The following ATF7IP variants were observed in gnomAD, a reference collection of about 807,000 sequenced individuals.
ATF7IP encodes activating transcription factor 7 interacting protein.
ATF7IP carries 23 observed loss-of-function variants against 106.4 expected under a neutral mutation model. That is an observed-to-expected ratio of 0.22 (90% CI 0.16 to 0.31). The LOEUF (loss-of-function observed/expected upper bound fraction) is 0.31. Ranked by LOEUF, ATF7IP falls within the 10% of genes least tolerant of loss-of-function variation. The pLI is 1.00. For missense variants in ATF7IP, 1,334 were observed against 1,524.3 expected (o/e 0.88, Z 2.08); for synonymous variants, 542 against 539.0 (o/e 1.01, Z -0.08).
chr12:14,376,824 G>A lies in ATF7IP; in HGVS notation c.-8+10997G>A, dbSNP rs571852388. Among the ~76,000 whole-genome samples the A allele has an allele frequency of 3.3e-5, 5 of 152,204 alleles. No homozygotes were observed. In the South Asian group the frequency reaches 1.0e-3, roughly 32 times the overall value. The stretch of plus-strand genomic sequence containing the variant: ...ATATTTAAGATGCAATCCTTGGGAG[G>A]CTGAGGCAGGAGAATCGTTTGAATC... On this transcript the variant is annotated intron_variant, in intron 1 of 14. Transcript: ENST00000261168.
intron 9 of ATF7IP, among the ~76,000 whole-genome samples, chr12:14,463,210 A>G (rs1016966222): frequency 6.6e-6 from 1 of 152,124 alleles, no homozygotes; most frequent in Non-Finnish European, 1.5e-5. Context: ...TCTAAGCTCT[A>G]TACTTATGTG....
intron 1 of ATF7IP, among the ~76,000 whole-genome samples, chr12:14,387,976 C>T (rs576644212): frequency 5.9e-5 from 9 of 151,696 alleles, no homozygotes; most frequent in African/African-American, 1.2e-4. Context: ...CTGACATTGA[C>T]GAGCTTATTC....
At position 14,408,116 on chromosome 12, in the gene ATF7IP, G is replaced by GCACACACACACA. The variant is rs56229725; in HGVS notation, c.-7-15778_-7-15767dup. On this transcript the variant is annotated intron_variant, in intron 1 of 14. Coordinates refer to ENST00000261168, the MANE Select transcript of ATF7IP (RefSeq NM_018179.5). ...CACTTAAATATATAGATATTGATGT[G>GCACACACACACA]CACACACACACACACACACACACAC... 9.1e-3 allele frequency among the ~76,000 whole-genome samples: 1,359 copies of GCACACACACACA among 149,076 alleles called. 17 individuals carry two copies. The highest frequency in any genetic ancestry group is 0.032 in the African/African-American group (1,294 of 40,522).
intron 1 of ATF7IP, chr12:14,369,030 A>T (rs955619592): frequency 6.6e-6 from 1 of 151,592 alleles, no homozygotes; most frequent in Non-Finnish European, 1.5e-5. Flanking sequence ...TGCCCACTGC[A>T]GCCTCGACCT....
chr12:14,495,291 G>T (rs1944979995), intron 13 of ATF7IP, among the ~76,000 whole-genome samples: 1 of 152,160 alleles, frequency 6.6e-6, no homozygotes, highest in South Asian at 2.1e-4. Context: ...TTGACACTCA[G>T]TATTAACCAT....
chr12:14,368,067 A>AT (rs1198039000), intron 1 of ATF7IP, among the ~76,000 whole-genome samples: 3 of 152,020 alleles, frequency 2.0e-5, no homozygotes, highest in Admixed American at 6.5e-5. Flanking sequence ...AATTAGAACT[A>AT]TTTTTTCTTT....
At chr12:14,411,992 C>T (rs959810402) in intron 1 of ATF7IP, among the ~76,000 whole-genome samples, 18 of 152,110 alleles carry the variant, frequency 1.2e-4, no homozygotes, top group African/African-American at 4.1e-4. Context: ...CAACTTCATT[C>T]TTTTGCATGT....
intron 2 of ATF7IP, among the ~76,000 whole-genome samples, 197 bp from the exon 3 acceptor site, chr12:14,434,140 C>T (rs903068760): frequency 6.6e-6 from 1 of 152,124 alleles, no homozygotes; most frequent in Admixed American, 6.5e-5. Flanking sequence ...TTCTGAATTG[C>T]AGAACAGTTG....
At chr12:14,376,669 T>A (rs1188427483) in intron 1 of ATF7IP, among the ~76,000 whole-genome samples, 1 of 152,236 alleles carries the variant, frequency 6.6e-6, no homozygotes, top group Non-Finnish European at 1.5e-5. Flanking sequence ...TCTCTGAGAT[T>A]CCCACATTTG....
intron 5 of ATF7IP, among the ~76,000 whole-genome samples, chr12:14,442,251 T>G (rs1325490625): frequency 6.6e-6 from 1 of 152,196 alleles, no homozygotes; most frequent in African/African-American, 2.4e-5. Flanking sequence ...AGGTTTCAAT[T>G]AATATCTACT....
In ATF7IP at chr12:14,475,881, G is replaced by A. The variant is rs1944246137; in HGVS notation, c.2863-9G>A. The A allele has an allele frequency of 6.2e-7, 1 of 1,600,724 alleles. No individual in the cohort carries two copies. On this transcript the variant is annotated splice_polypyrimidine_tract_variant and intron_variant, in intron 10 of 14. Coordinates refer to ENST00000261168, the MANE Select transcript of ATF7IP (RefSeq NM_018179.5). Reference sequence around the variant, plus strand: ...TTTCTTTGTAAAATGTAGAAGTTTTGTTTTTCAGTGTGGAAAAGCCACTGG... The same window carrying A: ...TTTCTTTGTAAAATGTAGAAGTTTTATTTTTCAGTGTGGAAAAGCCACTGG...
chr12:14,413,586 T>A (rs1183333470), intron 1 of ATF7IP, among the ~76,000 whole-genome samples: 2 of 152,184 alleles, frequency 1.3e-5, no homozygotes, highest in African/African-American at 4.8e-5. Flanking sequence ...AAAATTACTA[T>A]TTGTGTAATT....
chr12:14,480,940 T>A, intron 12 of ATF7IP, 63 bp from the exon 13 acceptor site: 1 of 1,458,966 alleles, frequency 6.9e-7, no homozygotes, highest in Non-Finnish European at 9.4e-7. Context: ...AACTGCCATT[T>A]AATACTGTTT....
intron 13 of ATF7IP, among the ~76,000 whole-genome samples, chr12:14,487,555 C>T (rs1054988389): frequency 5.3e-5 from 8 of 152,174 alleles, no homozygotes; most frequent in South Asian, 2.1e-4. Context: ...AGGGAGGGTA[C>T]GTTGCCCTCA....
chr12:14,371,176 A>G (rs1938520502), intron 1 of ATF7IP, among the ~76,000 whole-genome samples: 1 of 152,060 alleles, frequency 6.6e-6, no homozygotes, highest in South Asian at 2.1e-4. Flanking sequence ...CTTTTAAATA[A>G]TTGATTCAGG....
At chr12:14,394,759 T>A (rs1442268815) in intron 1 of ATF7IP, 1 of 152,242 alleles carries the variant, frequency 6.6e-6, no homozygotes, top group East Asian at 1.9e-4. Flanking sequence ...TGTGAAATAG[T>A]GAGAAGCTAT....
intron 13 of ATF7IP, among the ~76,000 whole-genome samples, chr12:14,489,291 G>T (rs73306141): frequency 0.018 from 2,698 of 152,248 alleles, 46 homozygotes; most frequent in Middle Eastern, 0.065. Context: ...GTCCGGGACA[G>T]TCACCACAGC....
rs1331587922 is a variant in ATF7IP, at chr12:14,383,563, A to AT, written c.-8+17744dup. 3.3e-5 allele frequency among the ~76,000 whole-genome samples: 5 copies of AT among 151,778 alleles called. No individual in the cohort carries two copies. The East Asian group carries it at 5.8e-4, about 18-fold the overall frequency. On this transcript the variant is annotated intron_variant, in intron 1 of 14. Transcript: ENST00000261168. ...AATCTTGCTTTTGTTTTTAATTATA[A>AT]TTTTTTTTGAGACAGGATCTGGCTC... is the stretch of plus-strand genomic sequence containing the variant.
chr12:14,489,339 T>G (rs983086397), intron 13 of ATF7IP, among the ~76,000 whole-genome samples: 5 of 152,158 alleles, frequency 3.3e-5, no homozygotes, highest in African/African-American at 1.2e-4. Flanking sequence ...GACTTAAAGG[T>G]AGGAGGATCC....
Sources: gnomAD v4.1 joint callset for allele counts (sites outside exome capture counted in the v4.1 genomes callset) on GRCh38, gnomAD v4.1.1 for gene constraint, MANE v1.5 for transcripts, NCBI Gene and HGNC (gene_info 2026-07-23, HGNC 2026-07-21) for gene names.